Variants in DCTN2 observed in about 807,000 individuals in gnomAD.
The protein encoded by DCTN2 is 50 kDa dynein-associated polypeptide.
Under a neutral mutation model 55.4 loss-of-function variants are expected in DCTN2, and 18 were observed. The observed-to-expected ratio is 0.32, with a 90% CI of 0.22 to 0.48. The LOEUF is 0.48. Ranked by LOEUF, DCTN2 falls within the 20% of genes least tolerant of loss-of-function variation. The pLI, the probability that DCTN2 is intolerant of heterozygous loss-of-function variation, is 0.99. For missense variants in DCTN2, 390 were observed against 491.0 expected (o/e 0.79, Z 1.94); for synonymous variants, 168 against 185.2 (o/e 0.91, Z 0.76).
chr12:57,541,432 G>GACC, intron 2 of DCTN2: 1 of 1,558,688 alleles, frequency 6.4e-7, no homozygotes, highest in Non-Finnish European at 8.7e-7. Flanking sequence ...AAAAACTCAG[G>GACC]TAAGTTCAAG....
At chr12:57,534,951 T>C (rs1181609102) in intron 5 of DCTN2, 105 bp downstream of exon 5, 1 of 981,304 alleles carries the variant, frequency 1.0e-6, no homozygotes, top group Non-Finnish European at 1.5e-6. Flanking sequence ...ATTATAGGCG[T>C]GAGCCACCGC....
chr12:57,547,129 G>T lies in DCTN2; in HGVS notation c.-66C>A, dbSNP rs559993350. ...AGCCGGGGCCGGTGTTCGGGTAGGG[G>T]AGAGGCTGGGTTCGGGTCCCGGGCT... On this transcript the variant is annotated 5_prime_UTR_variant, in exon 1 of 14. Transcript: ENST00000548249. The T allele has an allele frequency of 5.7e-6, 7 of 1,231,482 alleles. No homozygotes were observed. The African/African-American group carries it at 6.2e-5, about 11-fold the overall frequency. 76.3% of individuals were successfully genotyped at this position (1,231,482 alleles called of 1,614,324 possible). A position where few individuals can be genotyped will look rare whatever the true frequency, so the allele number is the denominator to read the frequency against.
In DCTN2 at chr12:57,535,807, G is replaced by A; in HGVS notation, c.144C>T (p.Val48=). 1 of 1,613,886 alleles carries A rather than the reference G, an allele frequency of 6.2e-7. No homozygotes were observed. Among genetic ancestry groups the A allele is most frequent in the Admixed American group, 1.7e-5 (1 of 60,000 alleles). ...ACTTGTCATAGGCAGCATTAGGATTGACAATGATGTGTTCCACACTTGTGC... is the reference window on the plus strand; with the variant it reads ...ACTTGTCATAGGCAGCATTAGGATTAACAATGATGTGTTCCACACTTGTGC... The part of the protein sequence containing the change: ...LTSTSVEHII[V]NPNAAYDKFK... Residue 48 remains valine, a synonymous_variant, in exon 3 of 14, where the codon GTC becomes GTT. Transcript: ENST00000548249.
chr12:57,546,988 G>C (rs1204183670), intron 1 of DCTN2, 40 bp downstream of exon 1: 1 of 1,278,510 alleles, frequency 7.8e-7, no homozygotes. Flanking sequence ...GGGAGGTCGG[G>C]GGCGCGGTCC....
In DCTN2 at chr12:57,535,832, C is replaced by T; in HGVS notation, c.119G>A (p.Ser40Asn). ...QAEFDAEELTSTSVEHIIVNP... is the reference protein window; with the variant it reads ...QAEFDAEELTNTSVEHIIVNP... ...GACAATGATGTGTTCCACACTTGTG[C>T]TTGTCAGCTCCTCCTGCAAGAACAG... Residue 40 changes from serine (S) to asparagine (N), a missense_variant, in exon 3 of 14, where the codon AGC becomes AAC. By Grantham distance (46) the Ser-to-Asn change is conservative (BLOSUM62 1). Around this residue, in one of 2 missense-constraint regions of DCTN2, gnomAD observed 117 missense variants for 187.8 expected, o/e 0.62. Coordinates refer to ENST00000548249, the MANE Select transcript of DCTN2 (RefSeq NM_001261413.2). The T allele has an allele frequency of 6.2e-7, 1 of 1,613,270 alleles. No individual in the cohort carries two copies. The highest frequency in any genetic ancestry group is 8.5e-7 in the Non-Finnish European group (1 of 1,179,542).
chr12:57,544,779 T>C (rs1381676209), intron 2 of DCTN2, among the ~76,000 whole-genome samples: 1 of 152,188 alleles, frequency 6.6e-6, no homozygotes, highest in Non-Finnish European at 1.5e-5. Flanking sequence ...ACCGATTGTA[T>C]ACACTCCTAT....
At chr12:57,533,082 T>C in intron 8 of DCTN2, 60 bp from the exon 9 acceptor site, 4 of 1,562,906 alleles carry the variant, frequency 2.6e-6, no homozygotes, top group East Asian at 2.3e-5. Context: ...TATCGTCTTC[T>C]CCCATCTTTC....
chr12:57,541,907 C>T (rs1344028173), intron 2 of DCTN2, among the ~76,000 whole-genome samples: 2 of 152,202 alleles, frequency 1.3e-5, no homozygotes, highest in African/African-American at 2.4e-5. Context: ...GGCTACAGCC[C>T]GTGCACTTTC....
Position 57,534,022 on chromosome 12 carries a change from T to TG in DCTN2, c.599dup (p.Asp201ArgfsTer2), listed in dbSNP as rs745744034. The stretch of plus-strand genomic sequence containing the variant: ...GTTCATAAGTGACAAGGCTGCTATC[T>TG]GGGGGGGTCCCAGTGGTTTTTCCCC... On this transcript the variant is annotated frameshift_variant, in exon 7 of 14. Transcript: ENST00000548249. LOFTEE classifies it high-confidence loss of function. 12 of 1,613,472 alleles carry TG rather than the reference T, an allele frequency of 7.4e-6. No homozygotes were observed. The highest frequency in any genetic ancestry group is 1.7e-5 in the Admixed American group (1 of 59,918).
chr12:57,540,151 A>G (rs1880582364), intron 2 of DCTN2: 4 of 983,560 alleles, frequency 4.1e-6, no homozygotes, highest in Non-Finnish European at 4.8e-6. Flanking sequence ...GTAAGCACCC[A>G]TAAGTGCAAA....
chr12:57,544,719 C>A (rs1461777637), intron 2 of DCTN2, among the ~76,000 whole-genome samples: 1 of 152,062 alleles, frequency 6.6e-6, no homozygotes, highest in African/African-American at 2.4e-5. Context: ...AAAATATTTT[C>A]CATTTGTGAT....
intron 1 of DCTN2, among the ~76,000 whole-genome samples, 179 bp from the exon 2 acceptor site, chr12:57,546,275 G>A (rs1881144672): frequency 6.6e-6 from 1 of 152,128 alleles, no homozygotes; most frequent in Admixed American, 6.5e-5. Context: ...CAAGGGGTAG[G>A]GATGACAGCG....
At chr12:57,538,486 G>A (rs190585686) in intron 2 of DCTN2, 48 of 760,174 alleles carry the variant, frequency 6.3e-5, no homozygotes, top group East Asian at 5.6e-4. Context: ...AGCACACCCC[G>A]TTAAAAAGCA....
chr12:57,531,929 T>C, intron 13 of DCTN2, 86 bp downstream of exon 13: 2 of 1,532,678 alleles, frequency 1.3e-6, no homozygotes, highest in South Asian at 2.4e-5. Context: ...TGCTACAAAA[T>C]AGGCTAAGGC....
Position 57,539,898 on chromosome 12 carries a change from C to T in DCTN2, c.106-4053G>A, listed in dbSNP as rs1355060127. ...AAAATTAGCCAGGCATGGTGGTGGA[C>T]GCCTGTAATCCCAGCTACTCGGGAG... On this transcript the variant is annotated intron_variant, in intron 2 of 13. Coordinates refer to ENST00000548249, the MANE Select transcript of DCTN2 (RefSeq NM_001261413.2). Among the ~76,000 whole-genome samples the T allele has an allele frequency of 5.9e-5, 9 of 152,050 alleles. 1 individual carries two copies. Among genetic ancestry groups the T allele is most frequent in the South Asian group, 2.1e-4 (1 of 4,816 alleles).
chr12:57,543,221 C>T (rs886870083), intron 2 of DCTN2: 13 of 358,348 alleles, frequency 3.6e-5, no homozygotes, highest in East Asian at 7.4e-5. Flanking sequence ...TGGTGGTGGG[C>T]GCCTACAGTC....
At chr12:57,544,505 C>T (rs1328411639) in intron 2 of DCTN2, among the ~76,000 whole-genome samples, 1 of 150,890 alleles carries the variant, frequency 6.6e-6, no homozygotes, top group African/African-American at 2.4e-5. Flanking sequence ...ACCTCCACCT[C>T]CCAGGTTCAA....
At chr12:57,534,145 C>T in intron 6 of DCTN2, 48 bp from the exon 7 acceptor site, 1 of 1,541,080 alleles carries the variant, frequency 6.5e-7, no homozygotes. Context: ...GGAGAAGGGC[C>T]AGTCACTCTC....
intron 11 of DCTN2, 26 bp downstream of exon 11, chr12:57,532,546 G>T: frequency 1.2e-6 from 2 of 1,612,352 alleles, no homozygotes; most frequent in Non-Finnish European, 1.7e-6. Context: ...GGAGTGGAAA[G>T]GAGATGGGGA....
Sources: allele counts gnomAD v4.1 joint callset (sites outside exome capture counted in the v4.1 genomes callset), GRCh38; gene constraint gnomAD v4.1.1; regional missense constraint gnomAD v4.1.1; transcripts MANE v1.5; gene names NCBI Gene and HGNC (gene_info 2026-07-23, HGNC 2026-07-21).